TDP2: variants seen among roughly 807,000 people sequenced by gnomAD.
TDP2 encodes tyrosyl-DNA phosphodiesterase 2, also known as 5'-Tyr-DNA phosphodiesterase.
Under a neutral mutation model 42.8 loss-of-function variants are expected in TDP2, and 38 were observed. The observed-to-expected ratio is 0.89, with a 90% CI of 0.68 to 1.16. The LOEUF (loss-of-function observed/expected upper bound fraction) is 1.16, where lower values mean the gene tolerates loss of function less well. TDP2 is among the 50% of genes most tolerant of loss of function. The pLI, the probability that TDP2 is intolerant of heterozygous loss-of-function variation, is 0.00. For synonymous variants in TDP2, 173 were observed against 150.6 expected (o/e 1.15, Z -1.09); for missense variants, 439 against 439.3 (o/e 1.00, Z 0.01).
chr6:24,666,177 G>C, intron 2 of TDP2: 1 of 1,550,530 alleles, frequency 6.4e-7, no homozygotes, highest in Non-Finnish European at 8.7e-7. Context: ...AGGAAGCAAG[G>C]AGACTTCCAA....
At chr6:24,666,334 A>G (rs1778234933) in intron 2 of TDP2, 192 bp downstream of exon 2, 1 of 1,509,170 alleles carries the variant, frequency 6.6e-7, no homozygotes, top group Admixed American at 2.0e-5. Context: ...AGTCTGGTGC[A>G]GTGTTAGATC....
intron 2 of TDP2, chr6:24,665,963 T>C (rs1001265783): frequency 1.0e-6 from 1 of 972,432 alleles, no homozygotes; most frequent in Non-Finnish European, 1.4e-6. Context: ...AAAAGTTTGA[T>C]AGGCCTGGAA....
chr6:24,653,010 T>C lies in TDP2; in HGVS notation c.780A>G (p.Ala260=). Residue 260 remains alanine (A), a synonymous_variant, in exon 6 of 7, where the codon GCA becomes GCG. Coordinates refer to ENST00000378198, the MANE Select transcript of TDP2 (RefSeq NM_016614.3). ...EAPESATVIF[A]GDTNLRDREV... The stretch of plus-strand genomic sequence containing the variant: ...CTCGATCCCTTAGATTTGTATCTCC[T>C]GCAAATATAACTGTAGCTGACTCTG... The C allele has an allele frequency of 6.2e-7, 1 of 1,613,840 alleles. No homozygotes were observed. Among genetic ancestry groups the C allele is most frequent in the African/African-American group, 1.3e-5 (1 of 75,042 alleles).
chr6:24,661,872 A>G (rs911884092), intron 2 of TDP2, among the ~76,000 whole-genome samples: 1 of 152,190 alleles, frequency 6.6e-6, no homozygotes, highest in African/African-American at 2.4e-5. Context: ...AGAGGAAGAC[A>G]TAAGAAACTC....
chr6:24,658,782 G>T, intron 2 of TDP2, 48 bp from the exon 3 acceptor site: 1 of 1,544,050 alleles, frequency 6.5e-7, no homozygotes, highest in Non-Finnish European at 8.8e-7. Context: ...TCTATAAATT[G>T]ATTAAGAATT....
chr6:24,664,997 T>C (rs1778207308), intron 2 of TDP2, among the ~76,000 whole-genome samples: 1 of 152,196 alleles, frequency 6.6e-6, no homozygotes, highest in Admixed American at 6.5e-5. Flanking sequence ...GGTTACAATA[T>C]AGTCTGTTGC....
intron 2 of TDP2, among the ~76,000 whole-genome samples, chr6:24,663,389 T>C (rs919379870): frequency 4.6e-5 from 7 of 152,244 alleles, no homozygotes; most frequent in South Asian, 4.1e-4. Flanking sequence ...GGTGGACTTA[T>C]AACCTTTGCA....
intron 6 of TDP2, among the ~76,000 whole-genome samples, chr6:24,651,895 A>G (rs1179065215): frequency 6.6e-6 from 1 of 152,128 alleles, no homozygotes; most frequent in Non-Finnish European, 1.5e-5. Flanking sequence ...CCATTTTAAC[A>G]ATTTTTAAGT....
Position 24,658,642 on chromosome 6 carries a change from G to T in TDP2, c.344C>A (p.Ser115Tyr). 1 of 1,614,002 alleles carries T rather than the reference G, an allele frequency of 6.2e-7. No homozygotes were observed. The highest frequency in any genetic ancestry group is 8.5e-7 in the Non-Finnish European group (1 of 1,179,870). ...TCCATCAATATTCCAGGTAATGAGA[G>T]AGAACATGCTGCCATTTTCTTGCTG... ...DTQQENGSMF[S>Y]LITWNIDGLD... Residue 115 changes from serine to tyrosine, a missense_variant, in exon 3 of 7, where the codon TCT becomes TAT. Ser to Tyr is a moderately radical substitution (Grantham distance 144, BLOSUM62 -2). Transcript: ENST00000378198.
At chr6:24,664,931 C>T (rs559241922) in intron 2 of TDP2, among the ~76,000 whole-genome samples, 2 of 152,192 alleles carry the variant, frequency 1.3e-5, no homozygotes, top group South Asian at 2.1e-4. Context: ...CAGCTTGATC[C>T]GCATCTTTTC....
chr6:24,657,773 T>C, intron 4 of TDP2, 39 bp downstream of exon 4: 1 of 1,242,236 alleles, frequency 8.1e-7, no homozygotes, highest in South Asian at 1.3e-5. Context: ...CTGATCTGTT[T>C]TTCAAAGAAA....
chr6:24,663,327 C>G (rs1303695667), intron 2 of TDP2, among the ~76,000 whole-genome samples: 1 of 151,998 alleles, frequency 6.6e-6, no homozygotes, highest in Non-Finnish European at 1.5e-5. Context: ...ACTATCCCCA[C>G]TGCACAAAGA....
At chr6:24,655,640 G>C (rs1035913737) in intron 4 of TDP2, among the ~76,000 whole-genome samples, 1 of 152,056 alleles carries the variant, frequency 6.6e-6, no homozygotes, top group Non-Finnish European at 1.5e-5. Context: ...CACAGGGAGG[G>C]GCATGCATGT....
intron 2 of TDP2, among the ~76,000 whole-genome samples, chr6:24,664,489 G>C (rs1778201585): frequency 1.3e-5 from 2 of 151,850 alleles, no homozygotes; most frequent in Admixed American, 6.6e-5. Context: ...TCTCATCAGA[G>C]ACACTGAAGA....
chr6:24,652,781 AT>A, intron 6 of TDP2: 1 of 559,948 alleles, frequency 1.8e-6, no homozygotes, highest in Non-Finnish European at 3.2e-6. Flanking sequence ...TCTCATGCAC[AT>A]TTTTATTTTC....
Position 24,654,541 on chromosome 6 carries a change from T to C in TDP2, c.518-11A>G. Reference sequence around the variant, plus strand: ...ATCCTTCTTCATGACCTACAAATGTTTGTGGAAAAGAATTTAGGCTGAGAA... The same window carrying C: ...ATCCTTCTTCATGACCTACAAATGTCTGTGGAAAAGAATTTAGGCTGAGAA... On this transcript the variant is annotated splice_polypyrimidine_tract_variant and intron_variant, in intron 4 of 6. Coordinates refer to ENST00000378198, the MANE Select transcript of TDP2 (RefSeq NM_016614.3). 2.9e-6 allele frequency: 4 copies of C among 1,400,080 alleles called. No homozygotes were observed. The highest frequency in any genetic ancestry group is 4.0e-6 in the Non-Finnish European group (4 of 1,000,428). The allele number at this position is 1,400,080 out of a possible 1,614,324, so 86.7% of individuals were successfully genotyped here.
chr6:24,654,882 C>T (rs1286807076), intron 4 of TDP2, among the ~76,000 whole-genome samples: 1 of 151,916 alleles, frequency 6.6e-6, no homozygotes, highest in Non-Finnish European at 1.5e-5. Flanking sequence ...CTCTACAAAA[C>T]ACAAAATTAG....
Position 24,657,869 on chromosome 6 carries a change from T to A in TDP2, c.460A>T (p.Ile154Phe). The part of the protein sequence containing the change: ...SPDVIFLQEV[I>F]PPYYSYLKKR... ...TTTAGGTAGCTATAATATGGGGGAATAACTTCCTGTAGAAATATCACATCT... is the reference window on the plus strand; with the variant it reads ...TTTAGGTAGCTATAATATGGGGGAAAAACTTCCTGTAGAAATATCACATCT... The change falls in exon 4 of 7, where the codon ATT becomes TTT. Residue 154 changes from isoleucine (I) to phenylalanine (F), a missense_variant. Coordinates refer to ENST00000378198, the MANE Select transcript of TDP2 (RefSeq NM_016614.3). The A allele has an allele frequency of 6.3e-7, 1 of 1,584,728 alleles. No individual in the cohort carries two copies. The highest frequency in any genetic ancestry group is 1.8e-5 in the Admixed American group (1 of 55,060).
rs1393088438 is a variant in TDP2, at chr6:24,650,173, C to T, written c.*615G>A. On this transcript the variant is annotated 3_prime_UTR_variant, in exon 7 of 7. Transcript: ENST00000378198. ...ATGGTGCTATCAAACCGATTTTAAC[C>T]ATCATCAAGCTTAACTTTGCCTCTG... 6.6e-6 allele frequency: 1 copy of T among 152,166 alleles called. No individual in the cohort carries two copies. The highest frequency in any genetic ancestry group is 1.5e-5 in the Non-Finnish European group (1 of 68,062). The allele number at this position is 152,166 out of a possible 1,614,324, so 9.4% of individuals were successfully genotyped here. A position where few individuals can be genotyped will look rare whatever the true frequency, so the allele number is the denominator to read the frequency against.
Sources: allele counts gnomAD v4.1 joint callset (sites outside exome capture counted in the v4.1 genomes callset), GRCh38; gene constraint gnomAD v4.1.1; transcripts MANE v1.5; gene names NCBI Gene and HGNC (gene_info 2026-07-23, HGNC 2026-07-21).